DNAH11: variants seen among roughly 807,000 people sequenced by gnomAD.
DNAH11 encodes dynein axonemal heavy chain 11, also known as axonemal beta dynein heavy chain 11.
A neutral mutation model predicts 526.0 loss-of-function variants in DNAH11; 442 were observed. The ratio of observed to expected loss-of-function variants is 0.84; its 90% CI spans 0.78 to 0.91. The LOEUF is 0.91. Among genes scored for constraint, DNAH11 ranks in the 40% least tolerant of loss-of-function variants. The pLI, the probability that DNAH11 is intolerant of heterozygous loss-of-function variation, is 0.00. For synonymous variants in DNAH11, 2,461 were observed against 1,935.9 expected (o/e 1.27, Z -7.12); for missense variants, 6,989 against 5,448.7 (o/e 1.28, Z -8.90).
intron 6 of DNAH11, among the ~76,000 whole-genome samples, chr7:21,569,548 G>C (rs1202779474): frequency 6.6e-6 from 1 of 152,080 alleles, no homozygotes; most frequent in Non-Finnish European, 1.5e-5. Context: ...CAGCCAGTTT[G>C]TATGTCCTAT....
chr7:21,792,115 T>C (rs1788503161), intron 61 of DNAH11, among the ~76,000 whole-genome samples: 2 of 152,172 alleles, frequency 1.3e-5, no homozygotes, highest in African/African-American at 4.8e-5. Flanking sequence ...GCTGAGCATT[T>C]TTATCATAAA....
At chr7:21,862,121 A>G in intron 69 of DNAH11, 98 bp downstream of exon 69, 1 of 1,006,070 alleles carries the variant, frequency 9.9e-7, no homozygotes, top group East Asian at 3.1e-5. Flanking sequence ...AATATAATAG[A>G]CTTTTTTTTT....
intron 54 of DNAH11, among the ~76,000 whole-genome samples, chr7:21,755,098 C>T (rs188532674): frequency 2.6e-5 from 4 of 152,198 alleles, no homozygotes; most frequent in Non-Finnish European, 2.9e-5. Context: ...AAGTTGCCAC[C>T]CCATTACCCA....
intron 65 of DNAH11, among the ~76,000 whole-genome samples, chr7:21,831,061 T>C (rs796672892): frequency 3.9e-5 from 6 of 152,328 alleles, no homozygotes; most frequent in East Asian, 1.9e-4. Context: ...CTCCGTGTGA[T>C]GCAGTGACAA....
chr7:21,627,402 A>G (rs1021696013), intron 25 of DNAH11, among the ~76,000 whole-genome samples: 1 of 152,108 alleles, frequency 6.6e-6, no homozygotes, highest in Non-Finnish European at 1.5e-5. Context: ...TAGTAGTTTT[A>G]TAGTTTCAGG....
intron 30 of DNAH11, among the ~76,000 whole-genome samples, chr7:21,679,403 A>G (rs1783047883): frequency 6.6e-6 from 1 of 152,160 alleles, no homozygotes; most frequent in Non-Finnish European, 1.5e-5. Context: ...CACTTAAAAG[A>G]TGTGTGAGCT....
chr7:21,685,393 A>G (rs1250429213), intron 32 of DNAH11, among the ~76,000 whole-genome samples: 2 of 152,230 alleles, frequency 1.3e-5, no homozygotes, highest in Non-Finnish European at 2.9e-5. Flanking sequence ...TGAAATTAGA[A>G]GAATCACCAT....
At chr7:21,823,514 A>T (rs1234275743) in intron 65 of DNAH11, among the ~76,000 whole-genome samples, 1 of 152,046 alleles carries the variant, frequency 6.6e-6, no homozygotes, top group Non-Finnish European at 1.5e-5. Context: ...TGGAAATTTT[A>T]ATTTGCCTTA....
At chr7:21,879,176 G>A (rs947417364) in intron 74 of DNAH11, among the ~76,000 whole-genome samples, 1 of 151,928 alleles carries the variant, frequency 6.6e-6, no homozygotes, top group African/African-American at 2.4e-5. Flanking sequence ...GGTCTAGGCT[G>A]GGCACAGTGA....
chr7:21,752,424 A>G (rs1255255626), intron 54 of DNAH11, among the ~76,000 whole-genome samples: 1 of 152,260 alleles, frequency 6.6e-6, no homozygotes, highest in African/African-American at 2.4e-5. Flanking sequence ...AGGCTGAGTC[A>G]TAAAGGGCTC....
intron 5 of DNAH11, among the ~76,000 whole-genome samples, chr7:21,563,282 C>A (rs1583483853): frequency 1.3e-5 from 2 of 151,536 alleles, no homozygotes; most frequent in East Asian, 3.9e-4. Flanking sequence ...GATCATGGCT[C>A]ACTGCAGCCT....
At chr7:21,572,175 G>C (rs767057593) in intron 8 of DNAH11, among the ~76,000 whole-genome samples, 4 of 152,206 alleles carry the variant, frequency 2.6e-5, no homozygotes, top group Non-Finnish European at 4.4e-5. Flanking sequence ...TTTCAGTTCA[G>C]AATGACGGCT....
rs1784483297 is a variant in DNAH11 at position 21,586,531 on chromosome 7, A to G, written c.1711-1533A>G. Among the ~76,000 whole-genome samples the G allele has an allele frequency of 2.0e-5, 3 of 152,222 alleles. No individual in the cohort carries two copies. The South Asian group carries it at 6.2e-4, about 31-fold the overall frequency. ...TGATCCCTAAGGTATAGTTATAGTTACATTTTAGTTTCTATAATTTTTTCA... is the reference window on the plus strand; with the variant it reads ...TGATCCCTAAGGTATAGTTATAGTTGCATTTTAGTTTCTATAATTTTTTCA... On this transcript the variant is annotated intron_variant, in intron 9 of 81. Transcript: ENST00000409508.
In DNAH11 at chr7:21,864,401, A is replaced by G. The variant is rs1013603055; in HGVS notation, c.11374-134A>G. Reference sequence around the variant, plus strand: ...CTAAGATTCCCTATTTCAACAGTAGAACAGATGTCAAGTGGAGTTCCCAGC... The same window carrying G: ...CTAAGATTCCCTATTTCAACAGTAGGACAGATGTCAAGTGGAGTTCCCAGC... On this transcript the variant is annotated intron_variant, in intron 69 of 81. Coordinates refer to ENST00000409508, the MANE Select transcript of DNAH11 (RefSeq NM_001277115.2). 97 of 669,544 alleles carry G rather than the reference A, an allele frequency of 1.4e-4. No homozygotes were observed. In the East Asian group the frequency reaches 2.8e-3, roughly 19 times the overall value. 41.5% of individuals were successfully genotyped at this position (669,544 alleles called of 1,614,324 possible). A position where few individuals can be genotyped will look rare whatever the true frequency, so the allele number is the denominator to read the frequency against.
In DNAH11 at chr7:21,594,608, A is replaced by G. The variant is rs146528148; in HGVS notation, c.2667+3031A>G. 2.2e-3 allele frequency among the ~76,000 whole-genome samples: 328 copies of G among 152,248 alleles called. 1 individual carries two copies. Among genetic ancestry groups the G allele is most frequent in the Non-Finnish European group, 2.7e-3 (183 of 68,012 alleles). On this transcript the variant is annotated intron_variant, in intron 14 of 81. Transcript: ENST00000409508. ...GAGTAGGCCTCAACCAGAAGGTGAA[A>G]TTTGAACAAAGACTTGACAGAGGTG...
Position 21,774,465 on chromosome 7 carries a change from C to G in DNAH11, c.9336+466C>G, listed in dbSNP as rs76484013. Among the ~76,000 whole-genome samples the G allele has an allele frequency of 2.4e-3, 359 of 152,238 alleles. 6 individuals are homozygous for G. The highest frequency in any genetic ancestry group is 6.0e-3 in the East Asian group (31 of 5,124). The stretch of plus-strand genomic sequence containing the variant: ...TGACTTGTCTGCTCCTCTTACACAT[C>G]TGTGTCCTCAGTCCTGAGGCCCCTG... On this transcript the variant is annotated intron_variant, in intron 56 of 81. Coordinates refer to ENST00000409508, the MANE Select transcript of DNAH11 (RefSeq NM_001277115.2).
At chr7:21,679,699 G>GA (rs1307815250) in intron 30 of DNAH11, among the ~76,000 whole-genome samples, 5 of 152,154 alleles carry the variant, frequency 3.3e-5, no homozygotes, top group Admixed American at 6.5e-5. Context: ...TCTCAGACCT[G>GA]AAGGGATGGG....
Position 21,739,637 on chromosome 7 carries a change from G to A in DNAH11, c.7878G>A (p.Pro2626=), listed in dbSNP as rs748463983. The change falls in exon 48 of 82, where the codon CCG becomes CCA. Residue 2626 remains proline (P), a synonymous_variant. Transcript: ENST00000409508. The part of the protein sequence containing the change: ...HNCQYVACMN[P]MVGSFTINPR... Reference sequence around the variant, plus strand: ...GCCAGTATGTCGCCTGCATGAATCCGATGGTGGGCAGCTTCACCATCAATC... The same window carrying A: ...GCCAGTATGTCGCCTGCATGAATCCAATGGTGGGCAGCTTCACCATCAATC... 1.1e-5 allele frequency: 18 copies of A among 1,612,612 alleles called. No homozygotes were observed. Among genetic ancestry groups the A allele is most frequent in the East Asian group, 6.7e-5 (3 of 44,868 alleles).
chr7:21,881,338 C>A (rs1028980730), intron 75 of DNAH11, among the ~76,000 whole-genome samples: 4 of 152,164 alleles, frequency 2.6e-5, no homozygotes, highest in African/African-American at 9.7e-5. Context: ...AATAATGGTG[C>A]ATTTCCTGCA....
Sources: gnomAD v4.1 joint callset for allele counts (sites outside exome capture counted in the v4.1 genomes callset) on GRCh38, gnomAD v4.1.1 for gene constraint, MANE v1.5 for transcripts, NCBI Gene and HGNC (gene_info 2026-07-23, HGNC 2026-07-21) for gene names.